Variants in ACVR1 observed in about 807,000 individuals in gnomAD.
ACVR1 encodes activin receptor type-1.
A neutral mutation model predicts 57.1 loss-of-function variants in ACVR1; 38 were observed. That is an observed-to-expected ratio of 0.67 (90% CI 0.51 to 0.87). The LOEUF (loss-of-function observed/expected upper bound fraction) is 0.87, where lower values mean the gene tolerates loss of function less well. Ranked by LOEUF, ACVR1 falls within the 40% of genes least tolerant of loss-of-function variation. The pLI is 0.00. For synonymous variants in ACVR1, 212 were observed against 228.1 expected (o/e 0.93, Z 0.63); for missense variants, 463 against 638.2 (o/e 0.73, Z 2.96).
Position 157,770,502 on chromosome 2 carries a change from T to G in ACVR1, c.656A>C (p.Tyr219Ser). Residue 219 changes from tyrosine to serine, a missense_variant, in exon 7 of 11, where the codon TAT becomes TCT. By Grantham distance (144) the Tyr-to-Ser change is moderately radical (BLOSUM62 -2). Around this residue, in one of 3 missense-constraint regions of ACVR1, gnomAD observed 114 missense variants for 216.2 expected, o/e 0.53. Transcript: ENST00000434821. ...TLLECVGKGR[Y>S]GEVWRGSWQG... ...CCAGCTGCCCCTCCACACCTCACCATACCTGCCTTTCCCTATGAAAAGCAA... is the reference window on the plus strand; with the variant it reads ...CCAGCTGCCCCTCCACACCTCACCAGACCTGCCTTTCCCTATGAAAAGCAA... 6.2e-7 allele frequency: 1 copy of G among 1,614,034 alleles called. No individual in the cohort carries two copies. Among genetic ancestry groups the G allele is most frequent in the Non-Finnish European group, 8.5e-7 (1 of 1,179,930 alleles).
intron 1 of ACVR1, among the ~76,000 whole-genome samples, chr2:157,870,435 T>C (rs1478935466): frequency 3.3e-5 from 5 of 152,340 alleles, no homozygotes; most frequent in East Asian, 3.9e-4. Flanking sequence ...AAAAGTTATA[T>C]GTGGTATGTC....
At chr2:157,859,181 C>T (rs1419157148) in intron 1 of ACVR1, among the ~76,000 whole-genome samples, 1 of 152,152 alleles carries the variant, frequency 6.6e-6, no homozygotes, top group African/African-American at 2.4e-5. Flanking sequence ...GTCATAAAGA[C>T]CTCACTGATA....
intron 9 of ACVR1, among the ~76,000 whole-genome samples, chr2:157,742,344 C>T (rs1553496226): frequency 6.6e-6 from 1 of 152,196 alleles, no homozygotes; most frequent in Non-Finnish European, 1.5e-5. Context: ...GTGCAAACAA[C>T]AAATGACACA....
intron 8 of ACVR1, among the ~76,000 whole-genome samples, chr2:157,761,461 C>T (rs1559041973): frequency 2.6e-5 from 4 of 152,212 alleles, no homozygotes. Flanking sequence ...AGCTCCACCA[C>T]TGCTCTCACT....
At chr2:157,851,712 T>C (rs1689308588) in intron 1 of ACVR1, among the ~76,000 whole-genome samples, 2 of 152,116 alleles carry the variant, frequency 1.3e-5, no homozygotes, top group South Asian at 4.1e-4. Context: ...TCCCCTAACT[T>C]TGTAGAATTT....
chr2:157,813,437 C>T (rs962185049), intron 2 of ACVR1, among the ~76,000 whole-genome samples: 6 of 152,152 alleles, frequency 3.9e-5, no homozygotes, highest in South Asian at 2.1e-4. Flanking sequence ...GGGTACAAGG[C>T]GGCCAACACA....
intron 5 of ACVR1, 114 bp from the exon 6 acceptor site, chr2:157,774,301 G>A: frequency 1.3e-6 from 1 of 795,306 alleles, no homozygotes; most frequent in Non-Finnish European, 2.2e-6. Context: ...CGGGACACGT[G>A]GCCTGTTAGT....
intron 9 of ACVR1, among the ~76,000 whole-genome samples, chr2:157,757,684 G>C (rs1276100085): frequency 6.6e-6 from 1 of 151,758 alleles, no homozygotes; most frequent in African/African-American, 2.4e-5. Flanking sequence ...GAAAAATAAG[G>C]TATTTCCCAG....
intron 1 of ACVR1, among the ~76,000 whole-genome samples, chr2:157,857,713 C>A (rs1052833441): frequency 1.4e-4 from 22 of 152,158 alleles, no homozygotes; most frequent in Admixed American, 3.3e-4. Context: ...TCACAAGCAG[C>A]CTTGTCAGCA....
At chr2:157,816,674 C>T (rs1299577806) in intron 2 of ACVR1, among the ~76,000 whole-genome samples, 3 of 152,082 alleles carry the variant, frequency 2.0e-5, no homozygotes, top group Non-Finnish European at 4.4e-5. Flanking sequence ...AAAGAATGCA[C>T]CTAACAGCCA....
At chr2:157,833,997 T>A (rs771260312) in intron 1 of ACVR1, among the ~76,000 whole-genome samples, 1 of 152,234 alleles carries the variant, frequency 6.6e-6, no homozygotes, top group Non-Finnish European at 1.5e-5. Flanking sequence ...AAATTTAGAC[T>A]GGTTTAACAC....
intron 9 of ACVR1, among the ~76,000 whole-genome samples, chr2:157,755,454 C>G (rs959499706): frequency 6.6e-6 from 1 of 152,064 alleles, no homozygotes; most frequent in African/African-American, 2.4e-5. Flanking sequence ...AATAGTTCTG[C>G]TATACACCAA....
intron 2 of ACVR1, among the ~76,000 whole-genome samples, chr2:157,817,121 G>C (rs1324110771): frequency 6.6e-6 from 1 of 151,986 alleles, no homozygotes; most frequent in Non-Finnish European, 1.5e-5. Context: ...CAACACACCT[G>C]GCTAATTTTT....
At chr2:157,873,980 T>C (rs1451039561) in intron 1 of ACVR1, among the ~76,000 whole-genome samples, 1 of 152,228 alleles carries the variant, frequency 6.6e-6, no homozygotes, top group Non-Finnish European at 1.5e-5. Flanking sequence ...ATTCAAATGA[T>C]CACTCTCTTC....
chr2:157,822,317 C>A (rs1688189305), intron 1 of ACVR1, among the ~76,000 whole-genome samples: 1 of 152,154 alleles, frequency 6.6e-6, no homozygotes, highest in South Asian at 2.1e-4. Context: ...AAATACTCCC[C>A]ATCTAGTTAC....
intron 9 of ACVR1, among the ~76,000 whole-genome samples, chr2:157,755,057 C>A (rs1685367804): frequency 6.6e-6 from 1 of 152,136 alleles, no homozygotes; most frequent in South Asian, 2.1e-4. Context: ...TAAAATCCAG[C>A]ATCCCTTTAT....
intron 1 of ACVR1, among the ~76,000 whole-genome samples, chr2:157,825,224 G>GT (rs1450349491): frequency 2.6e-5 from 4 of 152,154 alleles, no homozygotes; most frequent in Non-Finnish European, 4.4e-5. Flanking sequence ...AAGCCTTTTA[G>GT]AGCAGCTAGT....
chr2:157,863,507 G>A (rs1167676709), intron 1 of ACVR1, among the ~76,000 whole-genome samples: 1 of 150,718 alleles, frequency 6.6e-6, no homozygotes, highest in Non-Finnish European at 1.5e-5. Context: ...GACCAGCCTG[G>A]CCAACAGGGC....
chr2:157,820,599 G>A (rs569224959), intron 1 of ACVR1, among the ~76,000 whole-genome samples: 90 of 149,528 alleles, frequency 6.0e-4, no homozygotes, highest in African/African-American at 2.0e-3. Flanking sequence ...TCATTATAAA[G>A]GTGCTACTAA....
Sources: allele counts gnomAD v4.1 joint callset (sites outside exome capture counted in the v4.1 genomes callset), GRCh38; gene constraint gnomAD v4.1.1; regional missense constraint gnomAD v4.1.1; transcripts MANE v1.5; gene names NCBI Gene and HGNC (gene_info 2026-07-23, HGNC 2026-07-21).